Variants in LRP1B observed in about 807,000 individuals in gnomAD.
LRP1B encodes LDL receptor related protein 1B.
Under a neutral mutation model 556.6 loss-of-function variants are expected in LRP1B, and 217 were observed. The observed-to-expected ratio is 0.39, with a 90% confidence interval of 0.35 to 0.44. LRP1B has a LOEUF of 0.44. LRP1B is among the 20% of genes least tolerant of loss of function. The pLI, the probability that LRP1B is intolerant of heterozygous loss-of-function variation, is 1.00. For missense variants in LRP1B, 5,053 were observed against 5,620.8 expected (o/e 0.90, Z 3.23); for synonymous variants, 2,047 against 1,865.8 (o/e 1.10, Z -2.50).
At chr2:141,212,958 C>A (rs1440685096) in intron 6 of LRP1B, among the ~76,000 whole-genome samples, 1 of 151,896 alleles carries the variant, frequency 6.6e-6, no homozygotes, top group East Asian at 1.9e-4. Flanking sequence ...AAATACAGAC[C>A]CAAAACACTT....
intron 25 of LRP1B, among the ~76,000 whole-genome samples, chr2:140,876,768 A>C (rs1693320317): frequency 2.0e-5 from 3 of 152,178 alleles, no homozygotes; most frequent in Non-Finnish European, 4.4e-5. Context: ...ATGGAACAAA[A>C]TTCCATCAAA....
At chr2:140,685,643 ATCAG>A (rs1686020529) in intron 41 of LRP1B, among the ~76,000 whole-genome samples, 1 of 152,202 alleles carries the variant, frequency 6.6e-6, no homozygotes, top group South Asian at 2.1e-4. Flanking sequence ...AACAAACAAT[ATCAG>A]TCAAAGAATT....
chr2:141,418,048 T>A (rs1000798048), intron 3 of LRP1B, among the ~76,000 whole-genome samples: 3 of 152,200 alleles, frequency 2.0e-5, no homozygotes, highest in African/African-American at 7.2e-5. Context: ...GATGAAGAAA[T>A]GCCTATGCAA....
At chr2:140,412,805 A>G (rs1685022143) in intron 66 of LRP1B, among the ~76,000 whole-genome samples, 2 of 152,088 alleles carry the variant, frequency 1.3e-5, no homozygotes, top group Non-Finnish European at 2.9e-5. Context: ...TTAATATGGT[A>G]TCTACGTATT....
At chr2:141,016,462 A>G (rs904212051) in intron 12 of LRP1B, among the ~76,000 whole-genome samples, 2 of 152,002 alleles carry the variant, frequency 1.3e-5, no homozygotes, top group Non-Finnish European at 2.9e-5. Flanking sequence ...GGCTAGGTCT[A>G]ATTTGTCTTC....
At chr2:141,424,407 C>A (rs10432345) in intron 3 of LRP1B, among the ~76,000 whole-genome samples, 1 of 151,918 alleles carries the variant, frequency 6.6e-6, no homozygotes, top group South Asian at 2.1e-4. Context: ...CCACCGCACC[C>A]GGCCTCATCT....
At chr2:140,337,224 T>G (rs1427219254) in intron 77 of LRP1B, among the ~76,000 whole-genome samples, 1 of 151,896 alleles carries the variant, frequency 6.6e-6, no homozygotes, top group Non-Finnish European at 1.5e-5. Flanking sequence ...TTTCCAATGC[T>G]GTTTATGATC....
rs115120380 is a variant in LRP1B, at chr2:141,318,258, T to C, written c.344-63617A>G. On this transcript the variant is annotated intron_variant, in intron 3 of 90. Coordinates refer to ENST00000389484, the MANE Select transcript of LRP1B (RefSeq NM_018557.3). ...TGCTGTTTCTGTCTCAATCAAGCTTTGCTCTGAAAATGTGCTATGGATACA... is the reference window on the plus strand; with the variant it reads ...TGCTGTTTCTGTCTCAATCAAGCTTCGCTCTGAAAATGTGCTATGGATACA... Among the ~76,000 whole-genome samples the C allele has an allele frequency of 5.9e-3, 896 of 152,228 alleles. 9 individuals carry two copies. Among genetic ancestry groups the C allele is most frequent in the African/African-American group, 0.018 (761 of 41,546 alleles).
At chr2:140,629,597 T>C (rs1683805708) in intron 41 of LRP1B, among the ~76,000 whole-genome samples, 1 of 152,246 alleles carries the variant, frequency 6.6e-6, no homozygotes, top group African/African-American at 2.4e-5. Flanking sequence ...TAAAATGGAA[T>C]ACTATGTAGT....
intron 49 of LRP1B, among the ~76,000 whole-genome samples, chr2:140,522,957 T>C (rs1037368397): frequency 6.6e-6 from 1 of 151,912 alleles, no homozygotes; most frequent in Non-Finnish European, 1.5e-5. Flanking sequence ...TTCTACCAGA[T>C]GTACAAAGAA....
rs1242242103 is a variant in LRP1B at position 141,467,091 on chromosome 2, C to T, written c.343+13305G>A. On this transcript the variant is annotated intron_variant, in intron 3 of 90. Transcript: ENST00000389484. ...GGATATATATATACACACACACACA[C>T]ATATATATGTGTATATATATATATA... Among the ~76,000 whole-genome samples, 101 of 108,242 alleles carry T rather than the reference C, an allele frequency of 9.3e-4. 2 individuals carry two copies. Among genetic ancestry groups the T allele is most frequent in the Middle Eastern group, 5.2e-3 (1 of 194 alleles). 71.0% of individuals were successfully genotyped at this position (108,242 alleles called of 152,430 possible).
chr2:141,381,173 G>T (rs1267519451), intron 3 of LRP1B, among the ~76,000 whole-genome samples: 2 of 152,020 alleles, frequency 1.3e-5, no homozygotes, highest in Middle Eastern at 3.2e-3. Flanking sequence ...GGAAAGCAAT[G>T]CAGGAACAAA....
At chr2:141,310,408 A>G (rs1376226524) in intron 3 of LRP1B, among the ~76,000 whole-genome samples, 1 of 152,128 alleles carries the variant, frequency 6.6e-6, no homozygotes, top group African/African-American at 2.4e-5. Flanking sequence ...TCGTAGGGTT[A>G]TTATAATGAT....
intron 1 of LRP1B, among the ~76,000 whole-genome samples, chr2:141,913,135 T>C (rs1467197078): frequency 2.0e-5 from 3 of 152,090 alleles, no homozygotes; most frequent in African/African-American, 7.2e-5. Flanking sequence ...CTGAAGATGG[T>C]GGTGATGGTT....
chr2:140,624,414 A>G (rs1202116767), intron 41 of LRP1B, among the ~76,000 whole-genome samples: 1 of 152,178 alleles, frequency 6.6e-6, no homozygotes, highest in African/African-American at 2.4e-5. Flanking sequence ...GACACTCAGC[A>G]ATTATTTTTC....
chr2:141,186,668 G>T (rs1475924172), intron 7 of LRP1B, among the ~76,000 whole-genome samples: 3 of 152,132 alleles, frequency 2.0e-5, no homozygotes, highest in African/African-American at 7.2e-5. Context: ...ACAGTTATGA[G>T]GCTTGAAGGA....
rs1690492870 is a variant in LRP1B at position 140,527,622 on chromosome 2, A to T, written c.7763-1272T>A. 2.6e-5 allele frequency among the ~76,000 whole-genome samples: 4 copies of T among 151,914 alleles called. No homozygotes were observed. In the Admixed American group the frequency reaches 2.6e-4, roughly 10 times the overall value. On this transcript the variant is annotated intron_variant, in intron 47 of 90. Transcript: ENST00000389484. ...TTTTTATTAAAAATGATAACACAAC[A>T]TGTGAAACAGATAATGCTATTGTAA...
At chr2:140,884,701 TA>T (rs1035061570) in intron 24 of LRP1B, among the ~76,000 whole-genome samples, 2 of 151,804 alleles carry the variant, frequency 1.3e-5, no homozygotes, top group Non-Finnish European at 2.9e-5. Context: ...TTTCACAATT[TA>T]AAAAAAAATC....
chr2:140,730,046 C>T (rs764466729), intron 35 of LRP1B, among the ~76,000 whole-genome samples: 10 of 152,120 alleles, frequency 6.6e-5, no homozygotes, highest in African/African-American at 1.9e-4. Context: ...CTTCTTCGTC[C>T]GTATTCACCT....
Sources: allele counts gnomAD v4.1 joint callset (sites outside exome capture counted in the v4.1 genomes callset), GRCh38; gene constraint gnomAD v4.1.1; transcripts MANE v1.5; gene names NCBI Gene and HGNC (gene_info 2026-07-23, HGNC 2026-07-21).